Variants in ASF1A observed in about 807,000 individuals in gnomAD.
ASF1A encodes anti-silencing function 1A histone chaperone.
ASF1A carries 5 observed loss-of-function variants against 22.0 expected under a neutral mutation model. That is an observed-to-expected ratio of 0.23 (90% confidence interval 0.12 to 0.48). The LOEUF is 0.48. Ranked by LOEUF, ASF1A falls within the 20% of genes least tolerant of loss-of-function variation. The probability of loss-of-function intolerance (pLI) is 0.99; values close to 1 mark genes in which losing one functional copy is unlikely to be tolerated. For synonymous variants in ASF1A, 97 were observed against 86.7 expected (o/e 1.12, Z -0.66); for missense variants, 137 against 240.6 (o/e 0.57, Z 2.85).
intron 1 of ASF1A, among the ~76,000 whole-genome samples, chr6:118,899,322 C>T (rs1339775961): frequency 6.6e-6 from 1 of 152,158 alleles, no homozygotes; most frequent in Admixed American, 6.5e-5. Context: ...CCTTCAAAAC[C>T]GCATGATCTG....
rs545370155 is a variant in ASF1A, at chr6:118,905,897, T to C, written c.402+69T>C. 174 of 1,186,344 alleles carry C rather than the reference T, an allele frequency of 1.5e-4. 3 individuals carry two copies. In the South Asian group the frequency reaches 2.6e-3, roughly 18 times the overall value. 73.5% of individuals were successfully genotyped at this position (1,186,344 alleles called of 1,614,324 possible). ...TTTTTAAAGCAGTTGCTATTGCAAT[T>C]TCATAGTATACTATTAAAATGGCTT... On this transcript the variant is annotated intron_variant, in intron 3 of 3. Coordinates refer to ENST00000229595, the MANE Select transcript of ASF1A (RefSeq NM_014034.3).
chr6:118,894,224 T>C lies in ASF1A; in HGVS notation c.-190T>C, dbSNP rs1018739356. 26 of 1,414,576 alleles carry C rather than the reference T, an allele frequency of 1.8e-5. No homozygotes were observed. The highest frequency in any genetic ancestry group is 1.1e-4 in the South Asian group (7 of 63,820). The allele number at this position is 1,414,576 out of a possible 1,614,324, so 87.6% of individuals were successfully genotyped here. A position where few individuals can be genotyped will look rare whatever the true frequency, so the allele number is the denominator to read the frequency against. ...CAGAATGGGCTGTAGTTTAGTGAAA[T>C]AGGAAAGCTGCAAAACACTGTGGAG... On this transcript the variant is annotated 5_prime_UTR_variant, in exon 1 of 4. An upstream open reading frame in the 5' UTR loses its in-frame stop. Coordinates refer to ENST00000229595, the MANE Select transcript of ASF1A (RefSeq NM_014034.3).
At chr6:118,894,802 A>G (rs936726507) in intron 1 of ASF1A, among the ~76,000 whole-genome samples, 1 of 152,178 alleles carries the variant, frequency 6.6e-6, no homozygotes, top group African/African-American at 2.4e-5. Flanking sequence ...GGCAGCTCGG[A>G]GACCCGCACT....
chr6:118,898,695 G>T (rs992461412), intron 1 of ASF1A, among the ~76,000 whole-genome samples: 1 of 152,184 alleles, frequency 6.6e-6, no homozygotes, highest in Non-Finnish European at 1.5e-5. Flanking sequence ...TGGGATTACA[G>T]GCGTGAGCCA....
At chr6:118,898,606 T>C (rs1387259171) in intron 1 of ASF1A, among the ~76,000 whole-genome samples, 2 of 152,022 alleles carry the variant, frequency 1.3e-5, no homozygotes, top group Non-Finnish European at 2.9e-5. Context: ...TTAGTAGAGA[T>C]GGGGTTTCAC....
At chr6:118,902,928 C>T (rs1038398102) in intron 2 of ASF1A, among the ~76,000 whole-genome samples, 1 of 152,320 alleles carries the variant, frequency 6.6e-6, no homozygotes, top group African/African-American at 2.4e-5. Context: ...CAAAGGCTAG[C>T]AGGAAGATGT....
chr6:118,902,528 C>CTTTT (rs33980013), intron 2 of ASF1A, among the ~76,000 whole-genome samples: 2 of 131,510 alleles, frequency 1.5e-5, no homozygotes. Context: ...ACTGATAATA[C>CTTTT]TTTTTTTTTT....
Position 118,894,223 on chromosome 6 carries a change from A to T in ASF1A, c.-191A>T. 7.1e-7 allele frequency: 1 copy of T among 1,414,410 alleles called. No homozygotes were observed. Among genetic ancestry groups the T allele is most frequent in the Admixed American group, 2.9e-5 (1 of 34,238 alleles). 87.6% of individuals were successfully genotyped at this position (1,414,410 alleles called of 1,614,324 possible). A position where few individuals can be genotyped will look rare whatever the true frequency, so the allele number is the denominator to read the frequency against. On this transcript the variant is annotated 5_prime_UTR_variant, in exon 1 of 4. Coordinates refer to ENST00000229595, the MANE Select transcript of ASF1A (RefSeq NM_014034.3). ...GCAGAATGGGCTGTAGTTTAGTGAA[A>T]TAGGAAAGCTGCAAAACACTGTGGA...
chr6:118,897,826 TA>T (rs748981039), intron 1 of ASF1A, among the ~76,000 whole-genome samples: 52 of 145,268 alleles, frequency 3.6e-4, no homozygotes, highest in Non-Finnish European at 2.6e-4. Flanking sequence ...AAAGCTGGGT[TA>T]AAAAAAAAAA....
rs1780152769 is a variant in ASF1A, at chr6:118,905,998, A to AACCCT, written c.402+174_402+178dup. 1.3e-5 allele frequency among the ~76,000 whole-genome samples: 2 copies of AACCCT among 152,198 alleles called. 1 individual carries two copies. Among genetic ancestry groups the AACCCT allele is most frequent in the Non-Finnish European group, 2.9e-5 (2 of 68,026 alleles). On this transcript the variant is annotated intron_variant, in intron 3 of 3. Transcript: ENST00000229595. ...TGTTCCATTACCATGGATGACTTCA[A>AACCCT]ACCCTACCTTCAGATGAGTCATTAG... is the stretch of plus-strand genomic sequence containing the variant.
In ASF1A at chr6:118,895,368, G is replaced by A. The variant is rs552850845; in HGVS notation, c.109+846G>A. ...ATTTCAGGAAGAGAAATAGAGCTGA[G>A]GTAGGAAGTTACATTTAACCTAAAA... On this transcript the variant is annotated intron_variant, in intron 1 of 3. Coordinates refer to ENST00000229595, the MANE Select transcript of ASF1A (RefSeq NM_014034.3). Among the ~76,000 whole-genome samples the A allele has an allele frequency of 3.9e-5, 6 of 152,302 alleles. No homozygotes were observed. The East Asian group carries it at 7.7e-4, about 20-fold the overall frequency.
rs1429432135 is a variant in ASF1A at position 118,894,515 on chromosome 6, G to C, written c.102G>C (p.Leu34=). ...TCACCTTCGAGTGCATCGAGGACCT[G>C]TCTGAAGGTGAGTGCGGCGCCCGTG... The part of the protein sequence containing the change: ...FEITFECIED[L]SEDLEWKIIY... The change falls in exon 1 of 4, where the codon CTG becomes CTC. Residue 34 remains leucine, a synonymous_variant. Coordinates refer to ENST00000229595, the MANE Select transcript of ASF1A (RefSeq NM_014034.3). 2.0e-6 allele frequency: 3 copies of C among 1,536,882 alleles called. No homozygotes were observed. Among genetic ancestry groups the C allele is most frequent in the Non-Finnish European group, 2.6e-6 (3 of 1,146,698 alleles).
At chr6:118,894,642 G>C (rs369772974) in intron 1 of ASF1A, 120 bp downstream of exon 1, 13 of 856,752 alleles carry the variant, frequency 1.5e-5, no homozygotes, top group Admixed American at 7.6e-5. Flanking sequence ...GGGCTGCTCT[G>C]CGGAGGGAAA....
chr6:118,901,423 C>G (rs1017795157), intron 2 of ASF1A, among the ~76,000 whole-genome samples: 1 of 152,072 alleles, frequency 6.6e-6, no homozygotes, highest in African/African-American at 2.4e-5. Context: ...GAATGACATT[C>G]CAGAGTTTAC....
chr6:118,894,256 C>T lies in ASF1A; in HGVS notation c.-158C>T. The T allele has an allele frequency of 4.1e-6, 6 of 1,455,240 alleles. No individual in the cohort carries two copies. The highest frequency in any genetic ancestry group is 5.4e-6 in the Non-Finnish European group (6 of 1,109,596). 90.1% of individuals were successfully genotyped at this position (1,455,240 alleles called of 1,614,324 possible). On this transcript the variant is annotated 5_prime_UTR_variant, in exon 1 of 4. Coordinates refer to ENST00000229595, the MANE Select transcript of ASF1A (RefSeq NM_014034.3). ...GCTGCAAAACACTGTGGAGTGCTCC[C>T]GTGTAAATAAAAAGAGGAAAAAAGT...
chr6:118,901,291 TG>T (rs1279211055), intron 2 of ASF1A, among the ~76,000 whole-genome samples: 1 of 152,228 alleles, frequency 6.6e-6, no homozygotes, highest in Admixed American at 6.5e-5. Context: ...CTTCAGTTTA[TG>T]GTTTCAGCCA....
At chr6:118,898,088 C>T (rs914544602) in intron 1 of ASF1A, among the ~76,000 whole-genome samples, 15 of 152,204 alleles carry the variant, frequency 9.9e-5, no homozygotes, top group African/African-American at 3.4e-4. Flanking sequence ...AGAAGAAGCC[C>T]GGGGTTTGTA....
chr6:118,904,567 C>T (rs1310221579), intron 2 of ASF1A, among the ~76,000 whole-genome samples: 2 of 152,168 alleles, frequency 1.3e-5, no homozygotes, highest in Non-Finnish European at 2.9e-5. Flanking sequence ...TGCACCCTAC[C>T]ACGGATGGGG....
intron 3 of ASF1A, among the ~76,000 whole-genome samples, chr6:118,906,315 T>C (rs1273962954): frequency 6.6e-6 from 1 of 152,100 alleles, no homozygotes; most frequent in South Asian, 2.1e-4. Context: ...TCAAGTGATC[T>C]GCCTACCTTG....
Sources: gnomAD v4.1 joint callset for allele counts (sites outside exome capture counted in the v4.1 genomes callset) on GRCh38, gnomAD v4.1.1 for gene constraint, MANE v1.5 for transcripts, NCBI Gene and HGNC (gene_info 2026-07-23, HGNC 2026-07-21) for gene names.